PINX1: variants seen among roughly 807,000 people sequenced by gnomAD.
PINX1 encodes PIN2 (TERF1) interacting telomerase inhibitor 1.
Under a neutral mutation model 25.4 loss-of-function variants are expected in PINX1, and 34 were observed. The observed-to-expected ratio is 1.34, with a 90% CI of 1.02 to 1.78. The LOEUF is 1.78. PINX1 is among the 40% of genes most tolerant of loss of function. The pLI, the probability that PINX1 is intolerant of heterozygous loss-of-function variation, is 0.00. For synonymous variants in PINX1, 197 were observed against 147.7 expected, an observed-to-expected ratio of 1.33 and a Z score of -2.42; for missense variants, 592 against 404.9, an observed-to-expected ratio of 1.46 and a Z score of -3.97.
At chr8:10,771,566 C>T (rs1801223288) in intron 6 of PINX1, among the ~76,000 whole-genome samples, 1 of 152,190 alleles carries the variant, frequency 6.6e-6, no homozygotes, top group African/African-American at 2.4e-5. Flanking sequence ...TGTATTCATA[C>T]AATCCACAAC....
At chr8:10,766,213 G>A (rs971202019) in intron 6 of PINX1, among the ~76,000 whole-genome samples, 5 of 152,210 alleles carry the variant, frequency 3.3e-5, no homozygotes, top group African/African-American at 9.6e-5. Context: ...CAGGCAAGCC[G>A]CCTCGATGGA....
At chr8:10,815,145 T>C (rs1271336830) in intron 6 of PINX1, among the ~76,000 whole-genome samples, 2 of 152,166 alleles carry the variant, frequency 1.3e-5, no homozygotes, top group Non-Finnish European at 2.9e-5. Context: ...TCTCACTATG[T>C]TGCCCAGGCT....
intron 6 of PINX1, among the ~76,000 whole-genome samples, chr8:10,803,670 A>G (rs918157968): frequency 3.3e-5 from 5 of 152,262 alleles, no homozygotes; most frequent in Non-Finnish European, 7.3e-5. Flanking sequence ...GCTTTTTGGC[A>G]GGAAGAGTTC....
intron 1 of PINX1, 134 bp downstream of exon 1, chr8:10,839,604 C>G: frequency 1.1e-6 from 1 of 882,688 alleles, no homozygotes; most frequent in Non-Finnish European, 1.8e-6. Flanking sequence ...GAGCCGGGCT[C>G]GGCTCCCCGG....
intron 6 of PINX1, among the ~76,000 whole-genome samples, chr8:10,800,174 T>G (rs1417236680): frequency 1.3e-5 from 2 of 152,220 alleles, no homozygotes; most frequent in Non-Finnish European, 2.9e-5. Flanking sequence ...AGACCTTGGG[T>G]GCAGGAATAT....
intron 6 of PINX1, among the ~76,000 whole-genome samples, chr8:10,777,098 C>T (rs1233112445): frequency 3.3e-5 from 5 of 152,306 alleles, no homozygotes; most frequent in South Asian, 4.1e-4. Flanking sequence ...CCTTTCAGGC[C>T]GAACGTGTCC....
Position 10,765,622 on chromosome 8 carries a change from G to C in PINX1, c.766C>G (p.Pro256Ala). 6.2e-7 allele frequency: 1 copy of C among 1,613,810 alleles called. No homozygotes were observed. The highest frequency in any genetic ancestry group is 1.1e-5 in the South Asian group (1 of 91,082). Residue 256 changes from proline to alanine, a missense_variant, in exon 7 of 7, where the codon CCA becomes GCA. Coordinates refer to ENST00000314787, the MANE Select transcript of PINX1 (RefSeq NM_017884.6). ...GGGCCTCTGAGCTGCTCTTCTGCTGGCGCGCTCTTCTTCTTGGCCACTCGC... is the reference window on the plus strand; with the variant it reads ...GGGCCTCTGAGCTGCTCTTCTGCTGCCGCGCTCTTCTTCTTGGCCACTCGC... The part of the protein sequence containing the change: ...QERVAKKKSA[P>A]AEEQLRGPCW...
chr8:10,771,408 A>G (rs1375184598), intron 6 of PINX1: 3 of 152,210 alleles, frequency 2.0e-5, no homozygotes, highest in East Asian at 3.8e-4. Flanking sequence ...TTCCTTCCAC[A>G]AGTCCAATCC....
chr8:10,818,658 C>T (rs1797773856), intron 6 of PINX1, among the ~76,000 whole-genome samples: 1 of 152,000 alleles, frequency 6.6e-6, no homozygotes, highest in African/African-American at 2.4e-5. Flanking sequence ...GTACAGAAGG[C>T]ACGTGAGCCC....
chr8:10,783,944 A>G (rs1165254305), intron 6 of PINX1, among the ~76,000 whole-genome samples: 1 of 152,208 alleles, frequency 6.6e-6, no homozygotes, highest in African/African-American at 2.4e-5. Context: ...TGTAACTTCA[A>G]CTCAAAGACA....
chr8:10,801,298 T>C (rs1273996274), intron 6 of PINX1, among the ~76,000 whole-genome samples: 1 of 152,256 alleles, frequency 6.6e-6, no homozygotes, highest in Non-Finnish European at 1.5e-5. Flanking sequence ...GAGGAGAGGA[T>C]GATGGTGCCC....
intron 6 of PINX1, among the ~76,000 whole-genome samples, chr8:10,811,580 C>G (rs572190395): frequency 2.0e-5 from 3 of 152,184 alleles, no homozygotes; most frequent in African/African-American, 7.2e-5. Flanking sequence ...CTGGGCTGGG[C>G]AGTCCTGGCT....
intron 4 of PINX1, among the ~76,000 whole-genome samples, chr8:10,829,447 T>C (rs1798159704): frequency 1.3e-5 from 2 of 152,186 alleles, no homozygotes; most frequent in African/African-American, 4.8e-5. Flanking sequence ...CTCTGCTTGC[T>C]TTTCTTAGAT....
chr8:10,788,742 T>G (rs1166028657), intron 6 of PINX1, among the ~76,000 whole-genome samples: 2 of 152,174 alleles, frequency 1.3e-5, no homozygotes, highest in East Asian at 3.9e-4. Flanking sequence ...CGTGGACTCT[T>G]GCAGAAAAAC....
intron 4 of PINX1, among the ~76,000 whole-genome samples, chr8:10,829,302 AAAAGAG>A (rs1798152213): frequency 6.8e-6 from 1 of 146,212 alleles, no homozygotes; most frequent in African/African-American, 2.5e-5. Flanking sequence ...AAAAAAAAAA[AAAAGAG>A]AGAGAGAAAA....
In PINX1 at chr8:10,834,772, C is replaced by A. The variant is rs1007162832; in HGVS notation, c.23G>T (p.Arg8Leu). Reference sequence around the variant, plus strand: ...ATCCACAGCCCACTTCTGCTTCCGCCGACCTGTAAATGAAAAAGCATTATC... The same window carrying A: ...ATCCACAGCCCACTTCTGCTTCCGCAGACCTGTAAATGAAAAAGCATTATC... MSMLAER[R>L]RKQKWAVDPQ... is the part of the protein sequence containing the mutation. Residue 8 changes from arginine (R) to leucine (L), a missense_variant, in exon 2 of 7, where the codon CGG becomes CTG. Arg to Leu is a moderately radical substitution (Grantham distance 102, BLOSUM62 -2). Coordinates refer to ENST00000314787, the MANE Select transcript of PINX1 (RefSeq NM_017884.6). 5.0e-6 allele frequency: 8 copies of A among 1,610,390 alleles called. No individual in the cohort carries two copies. In the East Asian group the frequency reaches 1.8e-4, roughly 36 times the overall value.
At chr8:10,783,034 A>C (rs1801637648) in intron 6 of PINX1, among the ~76,000 whole-genome samples, 1 of 152,242 alleles carries the variant, frequency 6.6e-6, no homozygotes, top group Non-Finnish European at 1.5e-5. Flanking sequence ...AAAGAGGAAC[A>C]GAAAGAAATA....
At chr8:10,814,238 G>A (rs759571664) in intron 6 of PINX1, among the ~76,000 whole-genome samples, 1 of 152,210 alleles carries the variant, frequency 6.6e-6, no homozygotes, top group Admixed American at 6.5e-5. Context: ...TTAGAAATGT[G>A]CAACCAGCCG....
At chr8:10,793,680 A>C (rs909403422) in intron 6 of PINX1, among the ~76,000 whole-genome samples, 1 of 152,192 alleles carries the variant, frequency 6.6e-6, no homozygotes, top group African/African-American at 2.4e-5. Context: ...TTAATTATTA[A>C]AGGTCATTAA....
Sources: gnomAD v4.1 joint callset for allele counts (sites outside exome capture counted in the v4.1 genomes callset) on GRCh38, gnomAD v4.1.1 for gene constraint, MANE v1.5 for transcripts, NCBI Gene and HGNC (gene_info 2026-07-23, HGNC 2026-07-21) for gene names.